The following VAT1L variants were observed in gnomAD, a reference collection of about 807,000 sequenced individuals.
VAT1L encodes vesicle amine transport 1 like, also known as putative NADPH-dependent quinone oxidoreductase VAT1L.
VAT1L carries 34 observed loss-of-function variants against 44.1 expected under a neutral mutation model. The observed-to-expected ratio is 0.77, with a 90% CI of 0.59 to 1.03. The LOEUF (loss-of-function observed/expected upper bound fraction) is 1.03, where lower values mean the gene tolerates loss of function less well. Among genes scored for constraint, VAT1L ranks in the 50% least tolerant of loss-of-function variants. The pLI, the probability that VAT1L is intolerant of heterozygous loss-of-function variation, is 0.00. For synonymous variants in VAT1L, 253 were observed against 202.2 expected, an observed-to-expected ratio of 1.25 and a Z score of -2.13; for missense variants, 615 against 538.8, an observed-to-expected ratio of 1.14 and a Z score of -1.40.
chr16:77,838,805 T>C (rs1250220649), intron 3 of VAT1L, among the ~76,000 whole-genome samples: 1 of 151,794 alleles, frequency 6.6e-6, no homozygotes, highest in Non-Finnish European at 1.5e-5. Context: ...TCTCATTTCT[T>C]TCCTTCTTCT....
Position 77,979,601 on chromosome 16 carries a change from G to C in VAT1L, c.*1906G>C, listed in dbSNP as rs925394903. ...ACTAGGGCTCTCCTTCCCCCGGGGA[G>C]TGGGAACTCAGCCACATTCAGAATT... On this transcript the variant is annotated 3_prime_UTR_variant, in exon 9 of 9. Transcript: ENST00000302536. 2 of 152,144 alleles carry C rather than the reference G, an allele frequency of 1.3e-5. No individual in the cohort carries two copies. The highest frequency in any genetic ancestry group is 2.9e-5 in the Non-Finnish European group (2 of 68,022). The allele number at this position is 152,144 out of a possible 1,614,324, so 9.4% of individuals were successfully genotyped here. A position where few individuals can be genotyped will look rare whatever the true frequency, so the allele number is the denominator to read the frequency against.
In VAT1L at chr16:77,826,193, C is replaced by T. The variant is rs529983736; in HGVS notation, c.579+732C>T. On this transcript the variant is annotated intron_variant, in intron 3 of 8. Coordinates refer to ENST00000302536, the MANE Select transcript of VAT1L (RefSeq NM_020927.3). ...CTGCACTCCAGCCTGGGCGACAGAG[C>T]GAGACTCCGTCTCAAAAAAAAAAAA... is the stretch of plus-strand genomic sequence containing the variant. 2.9e-3 allele frequency among the ~76,000 whole-genome samples: 384 copies of T among 131,924 alleles called. 1 individual carries two copies. The highest frequency in any genetic ancestry group is 0.01 in the African/African-American group (369 of 35,156). The allele number at this position is 131,924 out of a possible 152,430, so 86.5% of individuals were successfully genotyped here. A position where few individuals can be genotyped will look rare whatever the true frequency, so the allele number is the denominator to read the frequency against.
chr16:77,977,794 G>T lies in VAT1L; in HGVS notation c.*99G>T. 1 of 1,167,856 alleles carries T rather than the reference G, an allele frequency of 8.6e-7. No individual in the cohort carries two copies. Among genetic ancestry groups the T allele is most frequent in the Non-Finnish European group, 1.2e-6 (1 of 814,252 alleles). 72.3% of individuals were successfully genotyped at this position (1,167,856 alleles called of 1,614,324 possible). The stretch of plus-strand genomic sequence containing the variant: ...CCCAGTGAACAAATGCTGTAGTCCA[G>T]TGCGTGTCGTGTTTGTCTGCAGTCA... On this transcript the variant is annotated 3_prime_UTR_variant, in exon 9 of 9. Coordinates refer to ENST00000302536, the MANE Select transcript of VAT1L (RefSeq NM_020927.3).
intron 7 of VAT1L, among the ~76,000 whole-genome samples, chr16:77,911,158 G>C (rs574226634): frequency 6.6e-6 from 1 of 152,200 alleles, no homozygotes; most frequent in Non-Finnish European, 1.5e-5. Flanking sequence ...AATCCTAGCT[G>C]ATTCACAATG....
At chr16:77,809,280 A>C (rs2016221929) in intron 1 of VAT1L, among the ~76,000 whole-genome samples, 1 of 152,180 alleles carries the variant, frequency 6.6e-6, no homozygotes, top group African/African-American at 2.4e-5. Context: ...ATACATAGAA[A>C]GCGCCCCATA....
Position 77,977,661 on chromosome 16 carries a change from G to A in VAT1L, c.1226G>A (p.Ser409Asn). The stretch of plus-strand genomic sequence containing the variant: ...GAGGAGGAGGACCACGAGGGAGACA[G>A]CGAGAACAAGGAGCGGATGCCCTTT... ...GEEEEDHEGDSENKERMPFIQ is the reference protein window; with the variant it reads ...GEEEEDHEGDNENKERMPFIQ Residue 409 changes from serine (S) to asparagine (N), a missense_variant, in exon 9 of 9, where the codon AGC (serine) becomes AAC (asparagine). Physicochemically the swap from Ser to Asn is conservative, Grantham distance 46 (BLOSUM62 1). Transcript: ENST00000302536. 2 of 1,614,134 alleles carry A rather than the reference G, an allele frequency of 1.2e-6. No individual in the cohort carries two copies. The highest frequency in any genetic ancestry group is 2.2e-5 in the South Asian group (2 of 91,070).
intron 7 of VAT1L, among the ~76,000 whole-genome samples, chr16:77,885,108 T>C (rs2017196539): frequency 6.6e-6 from 1 of 152,196 alleles, no homozygotes; most frequent in Admixed American, 6.5e-5. Context: ...GTGTACATTG[T>C]TGAGGCATCA....
At chr16:77,823,885 T>C (rs2016488153) in intron 2 of VAT1L, among the ~76,000 whole-genome samples, 1 of 151,996 alleles carries the variant, frequency 6.6e-6, no homozygotes, top group Admixed American at 6.6e-5. Context: ...TAACCAGGCA[T>C]TGTGATGTGT....
intron 3 of VAT1L, among the ~76,000 whole-genome samples, chr16:77,829,085 G>A (rs746330127): frequency 2.0e-5 from 3 of 152,108 alleles, no homozygotes; most frequent in South Asian, 2.1e-4. Context: ...ACTACGATTC[G>A]TACCTCAATT....
At chr16:77,799,457 T>C (rs1348270901) in intron 1 of VAT1L, among the ~76,000 whole-genome samples, 3 of 151,736 alleles carry the variant, frequency 2.0e-5, no homozygotes, top group Non-Finnish European at 4.4e-5. Flanking sequence ...CTTACCTTGG[T>C]CTAAAAGAAG....
intron 8 of VAT1L, among the ~76,000 whole-genome samples, chr16:77,973,612 C>T (rs943190297): frequency 5.3e-5 from 8 of 149,576 alleles, no homozygotes; most frequent in African/African-American, 1.2e-4. Flanking sequence ...AAAAAATATT[C>T]GGGAAGTGTT....
rs2018365931 is a variant in VAT1L at position 77,978,579 on chromosome 16, T to G, written c.*884T>G. On this transcript the variant is annotated 3_prime_UTR_variant, in exon 9 of 9. Transcript: ENST00000302536. ...CAATTCCTGGTGGAAAGTGACCACTTTGACCATGGATTTCCCAAAGAAGAG... is the reference window on the plus strand; with the variant it reads ...CAATTCCTGGTGGAAAGTGACCACTGTGACCATGGATTTCCCAAAGAAGAG... 6.6e-6 allele frequency: 1 copy of G among 152,246 alleles called. No homozygotes were observed. Among genetic ancestry groups the G allele is most frequent in the African/African-American group, 2.4e-5 (1 of 41,470 alleles). 9.4% of individuals were successfully genotyped at this position (152,246 alleles called of 1,614,324 possible). A position where few individuals can be genotyped will look rare whatever the true frequency, so the allele number is the denominator to read the frequency against.
intron 7 of VAT1L, among the ~76,000 whole-genome samples, chr16:77,905,448 C>A (rs963478860): frequency 1.3e-5 from 2 of 152,130 alleles, no homozygotes. Context: ...TCCCTGAAGG[C>A]ACCTTCTGAG....
At chr16:77,894,872 T>G (rs1233626471) in intron 7 of VAT1L, among the ~76,000 whole-genome samples, 4 of 152,076 alleles carry the variant, frequency 2.6e-5, no homozygotes, top group Non-Finnish European at 5.9e-5. Flanking sequence ...CCTTAGAATC[T>G]CTGGATCCCT....
intron 7 of VAT1L, among the ~76,000 whole-genome samples, chr16:77,920,590 T>C (rs1052549484): frequency 6.6e-6 from 1 of 152,222 alleles, no homozygotes; most frequent in Non-Finnish European, 1.5e-5. Flanking sequence ...TGTGTGGATA[T>C]AGTCATGCTC....
intron 7 of VAT1L, among the ~76,000 whole-genome samples, chr16:77,964,548 G>A (rs1623004): frequency 2.6e-5 from 4 of 151,826 alleles, no homozygotes; most frequent in Non-Finnish European, 5.9e-5. Flanking sequence ...CCCAGATAAT[G>A]CAGGATAATC....
intron 7 of VAT1L, among the ~76,000 whole-genome samples, chr16:77,902,562 T>A (rs1046618915): frequency 1.3e-5 from 2 of 152,218 alleles, no homozygotes; most frequent in Admixed American, 6.5e-5. Flanking sequence ...AACAATATTA[T>A]ATTTGGTAAA....
chr16:77,809,005 T>C (rs1195030577), intron 1 of VAT1L, among the ~76,000 whole-genome samples: 1 of 152,254 alleles, frequency 6.6e-6, no homozygotes, highest in Non-Finnish European at 1.5e-5. Flanking sequence ...CTCAATGTGC[T>C]AGTTGAGTGG....
intron 3 of VAT1L, 86 bp from the exon 4 acceptor site, chr16:77,862,662 T>C: frequency 9.1e-7 from 1 of 1,104,476 alleles, no homozygotes; most frequent in Admixed American, 2.6e-5. Context: ...ATAGTGCCGA[T>C]GGAGAAATCC....
Sources: allele counts gnomAD v4.1 joint callset (sites outside exome capture counted in the v4.1 genomes callset), GRCh38; gene constraint gnomAD v4.1.1; transcripts MANE v1.5; gene names NCBI Gene and HGNC (gene_info 2026-07-23, HGNC 2026-07-21).